FBP1: variants seen among roughly 807,000 people sequenced by gnomAD.
The protein encoded by FBP1 is fructose-bisphosphatase 1, also known as fructose-1,6-bisphosphatase 1.
A neutral mutation model predicts 29.9 loss-of-function variants in FBP1; 22 were observed. That is an observed-to-expected ratio of 0.74 (90% CI 0.53 to 1.05). The LOEUF (loss-of-function observed/expected upper bound fraction) is 1.05. FBP1 is among the 50% of genes least tolerant of loss of function. FBP1 has a pLI of 0.00. For missense variants in FBP1, 345 were observed against 448.2 expected (o/e 0.77, Z 2.08); for synonymous variants, 175 against 178.6 (o/e 0.98, Z 0.16).
At chr9:94,623,785 G>A (rs182186845) in intron 1 of FBP1, among the ~76,000 whole-genome samples, 7 of 152,326 alleles carry the variant, frequency 4.6e-5, no homozygotes, top group Non-Finnish European at 5.9e-5. Flanking sequence ...AGATGCTGGG[G>A]TTACAGTGCC....
intron 1 of FBP1, among the ~76,000 whole-genome samples, chr9:94,634,708 CA>C (rs1828165037): frequency 6.6e-6 from 1 of 152,212 alleles, no homozygotes; most frequent in African/African-American, 2.4e-5. Context: ...TCCCAGGGCA[CA>C]TTTGCCCAAA....
At chr9:94,629,665 T>C (rs939360713) in intron 1 of FBP1, among the ~76,000 whole-genome samples, 1 of 149,834 alleles carries the variant, frequency 6.7e-6, no homozygotes, top group African/African-American at 2.5e-5. Context: ...GGGGGGAGGG[T>C]CTAGTCTCTC....
At chr9:94,639,561 G>A, upstream of FBP1, 1 of 583,696 alleles carries the variant, frequency 1.7e-6, no homozygotes, top group South Asian at 2.0e-5. Flanking sequence ...TTAGACGCGG[G>A]TCGGCCCCCC....
chr9:94,618,676 T>A (rs1827899288), intron 2 of FBP1, among the ~76,000 whole-genome samples: 1 of 152,010 alleles, frequency 6.6e-6, no homozygotes, highest in African/African-American at 2.4e-5. Flanking sequence ...TCTAGCGTAA[T>A]TCCCAAAGTA....
At chr9:94,604,186 A>G (rs890800387) in intron 6 of FBP1, among the ~76,000 whole-genome samples, 1 of 152,160 alleles carries the variant, frequency 6.6e-6, no homozygotes, top group South Asian at 2.1e-4. Flanking sequence ...AGCTTTCTGC[A>G]GGTGTTTCCT....
chr9:94,613,215 G>A (rs948805101), intron 3 of FBP1, among the ~76,000 whole-genome samples: 2 of 152,184 alleles, frequency 1.3e-5, no homozygotes, highest in Non-Finnish European at 2.9e-5. Context: ...GTCCAGTAGA[G>A]GGTGATCAGG....
chr9:94,610,699 C>T (rs1827771149), intron 3 of FBP1, among the ~76,000 whole-genome samples: 1 of 152,190 alleles, frequency 6.6e-6, no homozygotes, highest in Non-Finnish European at 1.5e-5. Flanking sequence ...CAAAAAGTTA[C>T]CAAAATAATA....
At chr9:94,603,625 A>G in intron 6 of FBP1, 53 bp from the exon 7 acceptor site, 1 of 1,533,820 alleles carries the variant, frequency 6.5e-7, no homozygotes, top group African/African-American at 1.4e-5. Flanking sequence ...TATTGCGTAA[A>G]AAAGAGACTT....
In FBP1 at chr9:94,634,073, C is replaced by A. The variant is rs576836658; in HGVS notation, c.170+5068G>T. 4.5e-3 allele frequency among the ~76,000 whole-genome samples: 674 copies of A among 150,992 alleles called. 2 individuals are homozygous for A. Among genetic ancestry groups the A allele is most frequent in the African/African-American group, 0.015 (627 of 41,324 alleles). ...CTTTGGGAGGCCGGGGCGGGCAGAT[C>A]ACCTGAGGTCAGGAGTTTGAGACCA... On this transcript the variant is annotated intron_variant, in intron 1 of 6. Transcript: ENST00000375326.
At chr9:94,609,021 C>T (rs1459970804) in intron 4 of FBP1, among the ~76,000 whole-genome samples, 1 of 151,924 alleles carries the variant, frequency 6.6e-6, no homozygotes, top group Admixed American at 6.6e-5. Flanking sequence ...ACCAACATGG[C>T]GAAACCCCGT....
intron 3 of FBP1, 151 bp downstream of exon 3, chr9:94,617,617 T>C (rs1827882570): frequency 2.9e-6 from 2 of 697,568 alleles, no homozygotes; most frequent in Non-Finnish European, 5.3e-6. Flanking sequence ...ATGCAATTAG[T>C]GCTGAAAAGC....
In FBP1 at chr9:94,637,994, G is replaced by A. The variant is rs2131507940; in HGVS notation, c.170+1147C>T. The stretch of plus-strand genomic sequence containing the variant: ...CCAGCTACTCGGGAGACTGAGGCAG[G>A]AGAATCGCTTGAACCTGGGAGGCAG... On this transcript the variant is annotated intron_variant, in intron 1 of 6. Transcript: ENST00000375326. Among the ~76,000 whole-genome samples the A allele has an allele frequency of 1.3e-5, 2 of 151,462 alleles. 1 individual carries two copies. The highest frequency in any genetic ancestry group is 4.2e-4 in the South Asian group (2 of 4,802).
intron 1 of FBP1, among the ~76,000 whole-genome samples, chr9:94,634,181 A>G (rs1385735553): frequency 6.6e-6 from 1 of 151,270 alleles, no homozygotes; most frequent in African/African-American, 2.4e-5. Flanking sequence ...CTGTAATCCC[A>G]GCTATGGGAG....
At chr9:94,607,403 C>A (rs1827717727) in intron 4 of FBP1, among the ~76,000 whole-genome samples, 1 of 152,162 alleles carries the variant, frequency 6.6e-6, no homozygotes, top group South Asian at 2.1e-4. Context: ...CTGAGTTACA[C>A]CCAAGTGCTC....
chr9:94,614,864 G>T (rs867045514), intron 3 of FBP1, among the ~76,000 whole-genome samples: 2 of 152,060 alleles, frequency 1.3e-5, no homozygotes, highest in Admixed American at 1.3e-4. Flanking sequence ...TGACTTAGAG[G>T]TCTGTGTCAT....
At chr9:94,606,672 A>G (rs1230014828) in intron 5 of FBP1, 143 bp downstream of exon 5, 4 of 770,580 alleles carry the variant, frequency 5.2e-6, no homozygotes, top group South Asian at 1.7e-5. Context: ...ATAGATTTCC[A>G]CACTGCTCAG....
At chr9:94,614,510 A>G (rs1273344402) in intron 3 of FBP1, among the ~76,000 whole-genome samples, 1 of 152,184 alleles carries the variant, frequency 6.6e-6, no homozygotes, top group Non-Finnish European at 1.5e-5. Flanking sequence ...ACTGCACTCC[A>G]GCCTGGGCGA....
chr9:94,637,420 CAA>C (rs1456618907), intron 1 of FBP1, among the ~76,000 whole-genome samples: 1 of 142,822 alleles, frequency 7.0e-6, no homozygotes, highest in Non-Finnish European at 1.5e-5. Flanking sequence ...TTTTTTAAGA[CAA>C]AGTCACGCTC....
rs766175621 is a variant in FBP1, at chr9:94,606,901, C to G, written c.619G>C (p.Gly207Arg). The G allele has an allele frequency of 7.8e-5, 126 of 1,613,960 alleles. No individual in the cohort carries two copies. Among genetic ancestry groups the G allele is most frequent in the Admixed American group, 3.7e-4 (22 of 59,988 alleles). ...CCCTCGTTAAGGCTGTAGATTTTAC[C>G]TTTCTTTTTTATCTTCACATCCTTG... ...VDKDVKIKKK[G>R]KIYSLNEGYA... The change falls in exon 5 of 7, where the codon GGT becomes CGT. Residue 207 changes from glycine (G) to arginine (R), a missense_variant. By Grantham distance (125) the Gly-to-Arg change is moderately radical. Coordinates refer to ENST00000375326, the MANE Select transcript of FBP1 (RefSeq NM_000507.4).
Sources: allele counts gnomAD v4.1 joint callset (sites outside exome capture counted in the v4.1 genomes callset), GRCh38; gene constraint gnomAD v4.1.1; transcripts MANE v1.5; gene names NCBI Gene and HGNC (gene_info 2026-07-23, HGNC 2026-07-21).